APH1B: variants seen among roughly 807,000 people sequenced by gnomAD.
APH1B encodes the protein aph-1B gamma-secretase subunit, also known as gamma-secretase subunit APH-1B.
In APH1B, 27 loss-of-function variants were observed where a neutral mutation model predicts 28.2. The observed-to-expected ratio is 0.96, with a 90% confidence interval of 0.70 to 1.32. The LOEUF (loss-of-function observed/expected upper bound fraction) is 1.32. Ranked by LOEUF, APH1B falls within the 40% of genes most tolerant of loss-of-function variation. The pLI is 0.00. For missense variants in APH1B, 305 were observed against 313.6 expected, an observed-to-expected ratio of 0.97 and a Z score of 0.21; for synonymous variants, 141 against 124.6, an observed-to-expected ratio of 1.13 and a Z score of -0.88.
At chr15:63,298,632 C>T (rs2038592472) in intron 4 of APH1B, among the ~76,000 whole-genome samples, 1 of 152,184 alleles carries the variant, frequency 6.6e-6, no homozygotes, top group Non-Finnish European at 1.5e-5. Flanking sequence ...GCTTATTTGT[C>T]TTTGAATCTG....
intron 2 of APH1B, among the ~76,000 whole-genome samples, chr15:63,279,828 G>A (rs2038366751): frequency 1.4e-5 from 2 of 138,714 alleles, no homozygotes; most frequent in South Asian, 2.2e-4. Context: ...CAGAGTTTTC[G>A]CTCCTGTTGC....
At chr15:63,297,968 C>T (rs971021746) in intron 4 of APH1B, among the ~76,000 whole-genome samples, 22 of 152,116 alleles carry the variant, frequency 1.4e-4, no homozygotes, top group Non-Finnish European at 2.8e-4. Context: ...CAAGGGATCT[C>T]TTCTAGATAT....
rs1379561064 is a variant in APH1B at position 63,307,087 on chromosome 15, G to T, written c.*1306G>T. ...GGAGCTGGTGGCATGAAATGCAAAT[G>T]ACCTATACATTAAAGTGATGTCTCA... On this transcript the variant is annotated 3_prime_UTR_variant, in exon 6 of 6. Coordinates refer to ENST00000261879, the MANE Select transcript of APH1B (RefSeq NM_031301.4). The T allele has an allele frequency of 1.3e-5, 2 of 152,182 alleles. No individual in the cohort carries two copies. Among genetic ancestry groups the T allele is most frequent in the African/African-American group, 4.8e-5 (2 of 41,434 alleles). The allele number at this position is 152,182 out of a possible 1,614,324, so 9.4% of individuals were successfully genotyped here.
rs547771665 is a variant in APH1B, at chr15:63,287,452, T to G, written c.384T>G (p.Ser128Arg). 5.0e-6 allele frequency: 8 copies of G among 1,614,024 alleles called. No homozygotes were observed. In the South Asian group the frequency reaches 8.8e-5, roughly 18 times the overall value. Residue 128 changes from serine (S) to arginine (R), a missense_variant, in exon 4 of 6, where the codon AGT becomes AGG. Coordinates refer to ENST00000261879, the MANE Select transcript of APH1B (RefSeq NM_031301.4). ...CTGGCTTGGGCTTTGGAATCATGAG[T>G]GGAGTATTTTCCTTTGTGAATACCC... The part of the protein sequence containing the change: ...YVSGLGFGIM[S>R]GVFSFVNTLS...
rs1280208651 is a variant in APH1B at position 63,304,281 on chromosome 15, G to A, written c.607-1333G>A. Among the ~76,000 whole-genome samples the A allele has an allele frequency of 2.0e-5, 3 of 152,226 alleles. No homozygotes were observed. The highest frequency in any genetic ancestry group is 6.5e-5 in the Admixed American group (1 of 15,284). On this transcript the variant is annotated intron_variant, in intron 5 of 5. Transcript: ENST00000261879. This position sits in a 1 kb window ranked among gnomAD's most constrained non-coding sequence, Gnocchi z 5.1. ...AGTGGGGGCAGGGACTGGTGGAACA[G>A]GGAGGCTCCTGGGGGCTGAGAATGT...
intron 4 of APH1B, among the ~76,000 whole-genome samples, chr15:63,301,487 A>G (rs2038626619): frequency 6.6e-6 from 1 of 152,238 alleles, no homozygotes; most frequent in Non-Finnish European, 1.5e-5. Flanking sequence ...ACACAGAGGT[A>G]GTGTTCCCCA....
intron 4 of APH1B, among the ~76,000 whole-genome samples, chr15:63,291,073 G>A (rs1047418500): frequency 1.3e-5 from 2 of 151,824 alleles, no homozygotes; most frequent in African/African-American, 4.9e-5. Context: ...GATCTTTCAG[G>A]AAGGGCAGAA....
intron 2 of APH1B, among the ~76,000 whole-genome samples, chr15:63,283,359 A>C (rs897605220): frequency 6.6e-6 from 1 of 151,236 alleles, no homozygotes; most frequent in Non-Finnish European, 1.5e-5. Flanking sequence ...CCTCCTGAGT[A>C]GCTAAGACTA....
intron 2 of APH1B, among the ~76,000 whole-genome samples, chr15:63,280,519 T>C (rs891812993): frequency 6.6e-6 from 1 of 152,246 alleles, no homozygotes; most frequent in African/African-American, 2.4e-5. Context: ...CTTGCCAATA[T>C]GCTAGGTTTT....
Position 63,305,883 on chromosome 15 carries a change from A to C in APH1B, c.*102A>C. On this transcript the variant is annotated 3_prime_UTR_variant, in exon 6 of 6. Transcript: ENST00000261879. ...CCTTTTTCTGGTGGAATTGAGAAAGAAATAAAACTATGCAGATATGCGTTC... is the reference window on the plus strand; with the variant it reads ...CCTTTTTCTGGTGGAATTGAGAAAGCAATAAAACTATGCAGATATGCGTTC... 1 of 1,417,254 alleles carries C rather than the reference A, an allele frequency of 7.1e-7. No individual in the cohort carries two copies. The highest frequency in any genetic ancestry group is 1.4e-5 in the South Asian group (1 of 70,366). The allele number at this position is 1,417,254 out of a possible 1,614,324, so 87.8% of individuals were successfully genotyped here.
rs555935397 is a variant in APH1B, at chr15:63,306,921, C to T, written c.*1140C>T. 1 of 152,340 alleles carries T rather than the reference C, an allele frequency of 6.6e-6. No individual in the cohort carries two copies. The highest frequency in any genetic ancestry group is 2.4e-5 in the African/African-American group (1 of 41,590). 9.4% of individuals were successfully genotyped at this position (152,340 alleles called of 1,614,324 possible). A position where few individuals can be genotyped will look rare whatever the true frequency, so the allele number is the denominator to read the frequency against. ...AGTCAGTGTCTCTGGGTTTTGGTAG[C>T]AGATACAGCGTTCCCTTTACAGGAA... On this transcript the variant is annotated 3_prime_UTR_variant, in exon 6 of 6. Transcript: ENST00000261879.
At chr15:63,278,317 C>T (rs1047122679) in intron 1 of APH1B, 13 of 456,580 alleles carry the variant, frequency 2.8e-5, no homozygotes, top group Admixed American at 2.6e-4. Context: ...TGTAAAAACA[C>T]CGAAGCACCT....
At chr15:63,301,814 T>C (rs1252301797) in intron 4 of APH1B, among the ~76,000 whole-genome samples, 2 of 152,162 alleles carry the variant, frequency 1.3e-5, no homozygotes, top group Non-Finnish European at 2.9e-5. Flanking sequence ...GGTTTCACCA[T>C]GTTGGCCAGC....
chr15:63,301,999 A>G (rs560231232), intron 4 of APH1B, among the ~76,000 whole-genome samples: 2 of 152,206 alleles, frequency 1.3e-5, no homozygotes, highest in South Asian at 4.1e-4. Flanking sequence ...AACAGAAGAT[A>G]CTCCTTTTCA....
chr15:63,294,520 G>A (rs1171015562), intron 4 of APH1B, among the ~76,000 whole-genome samples: 5 of 152,190 alleles, frequency 3.3e-5, no homozygotes, highest in Admixed American at 6.5e-5. Context: ...AAAGACAGTC[G>A]TAAGGTTCAC....
At chr15:63,286,742 C>G in intron 3 of APH1B, 114 bp downstream of exon 3, 2 of 972,056 alleles carry the variant, frequency 2.1e-6, no homozygotes, top group Non-Finnish European at 3.0e-6. Context: ...CTGCCTTGGC[C>G]TATTGGTGTA....
At chr15:63,299,933 G>T (rs2038607495) in intron 4 of APH1B, among the ~76,000 whole-genome samples, 1 of 151,942 alleles carries the variant, frequency 6.6e-6, no homozygotes, top group South Asian at 2.1e-4. Context: ...GACTAGGTGT[G>T]GGGCGGGAAA....
At chr15:63,282,039 C>T (rs1445294644) in intron 2 of APH1B, among the ~76,000 whole-genome samples, 3 of 152,096 alleles carry the variant, frequency 2.0e-5, no homozygotes, top group Non-Finnish European at 4.4e-5. Context: ...TCATCTTTTA[C>T]GAGCCTTTAG....
Position 63,308,463 on chromosome 15 carries a change from A to C in APH1B, c.*2682A>C, listed in dbSNP as rs2038709455. ...GAAAGGAATTAATGATGATATCTGC[A>C]GACTGCGTAGAAAATGGCTTTTGTT... is the stretch of plus-strand genomic sequence containing the variant. On this transcript the variant is annotated 3_prime_UTR_variant, in exon 6 of 6. Transcript: ENST00000261879. 4 of 152,250 alleles carry C rather than the reference A, an allele frequency of 2.6e-5. No homozygotes were observed. 9.4% of individuals were successfully genotyped at this position (152,250 alleles called of 1,614,324 possible).
Sources: gnomAD v4.1 joint callset for allele counts (sites outside exome capture counted in the v4.1 genomes callset) on GRCh38, gnomAD v4.1.1 for gene constraint, Gnocchi (gnomAD v3.1) non-coding constraint, MANE v1.5 for transcripts, NCBI Gene and HGNC (gene_info 2026-07-23, HGNC 2026-07-21) for gene names.